The following OPCML variants were observed in gnomAD, a reference collection of about 807,000 sequenced individuals.
OPCML encodes opioid binding protein/cell adhesion molecule like.
A neutral mutation model predicts 37.8 loss-of-function variants in OPCML; 13 were observed. The observed-to-expected ratio is 0.34, with a 90% confidence interval of 0.22 to 0.55. The LOEUF is 0.55. OPCML is among the 20% of genes least tolerant of loss of function. The pLI is 0.91. For synonymous variants in OPCML, 176 were observed against 168.8 expected, an observed-to-expected ratio of 1.04 and a Z score of -0.33; for missense variants, 341 against 435.6, an observed-to-expected ratio of 0.78 and a Z score of 1.93.
At chr11:132,778,179 C>A (rs915829573) in intron 2 of OPCML, among the ~76,000 whole-genome samples, 4 of 152,200 alleles carry the variant, frequency 2.6e-5, no homozygotes, top group Non-Finnish European at 5.9e-5. Context: ...CTCTCCTTTT[C>A]CAATAAGCTC....
chr11:132,553,288 C>A (rs186669182), intron 3 of OPCML, among the ~76,000 whole-genome samples: 3 of 152,200 alleles, frequency 2.0e-5, no homozygotes, highest in East Asian at 3.9e-4. Context: ...TGGATCAGAA[C>A]TGAATGGTGG....
At chr11:133,003,487 C>T (rs571849707) in intron 1 of OPCML, among the ~76,000 whole-genome samples, 1 of 152,284 alleles carries the variant, frequency 6.6e-6, no homozygotes, top group Admixed American at 6.5e-5. Context: ...GTATTTAGGG[C>T]CCACTCAGAT....
chr11:133,126,029 CTA>C (rs1010553358), intron 1 of OPCML, among the ~76,000 whole-genome samples: 6 of 148,094 alleles, frequency 4.1e-5, no homozygotes, highest in East Asian at 2.0e-4. Flanking sequence ...TATATATACA[CTA>C]TATATATACT....
At chr11:132,656,542 T>A (rs1459371759) in intron 3 of OPCML, among the ~76,000 whole-genome samples, 1 of 152,148 alleles carries the variant, frequency 6.6e-6, no homozygotes, top group African/African-American at 2.4e-5. Context: ...CTGACTAATA[T>A]CCCTCTTGGA....
rs1399531995 is a variant in OPCML at position 132,483,449 on chromosome 11, C to T, written c.505+45612G>A. On this transcript the variant is annotated intron_variant, in intron 4 of 7. Transcript: ENST00000524381. ...AACAAATGGAAGAACATTCCATGCTCGTGGGTAGGAAGAATCAATATCATG... is the reference window on the plus strand; with the variant it reads ...AACAAATGGAAGAACATTCCATGCTTGTGGGTAGGAAGAATCAATATCATG... Among the ~76,000 whole-genome samples, 8 of 152,196 alleles carry T rather than the reference C, an allele frequency of 5.3e-5. No homozygotes were observed. In the East Asian group the frequency reaches 7.7e-4, roughly 15 times the overall value.
intron 1 of OPCML, among the ~76,000 whole-genome samples, chr11:133,260,498 G>C (rs1156746438): frequency 6.6e-6 from 1 of 152,066 alleles, no homozygotes; most frequent in Non-Finnish European, 1.5e-5. Flanking sequence ...TGAAGGTGGA[G>C]CTCTGGGATT....
rs780665015 is a variant in OPCML, at chr11:133,532,355, C to A, written c.-31G>T. Reference sequence around the variant, plus strand: ...CGCTGCGGTGCTCTCAGCTGCCGGGCTTGCTACTGCTTCTGCTGCTGCTAC... The same window carrying A: ...CGCTGCGGTGCTCTCAGCTGCCGGGATTGCTACTGCTTCTGCTGCTGCTAC... On this transcript the variant is annotated 5_prime_UTR_variant, in exon 1 of 8. Transcript: ENST00000524381. 74 of 1,607,994 alleles carry A rather than the reference C, an allele frequency of 4.6e-5. No individual in the cohort carries two copies. Among genetic ancestry groups the A allele is most frequent in the Non-Finnish European group, 5.9e-5 (70 of 1,177,296 alleles).
chr11:133,239,619 C>A (rs953327394), intron 1 of OPCML, among the ~76,000 whole-genome samples: 2 of 152,190 alleles, frequency 1.3e-5, no homozygotes, highest in Admixed American at 6.5e-5. Flanking sequence ...GTGAGAAAGA[C>A]CAAAAAGTAA....
intron 1 of OPCML, among the ~76,000 whole-genome samples, chr11:133,111,266 C>T (rs1297679006): frequency 6.6e-6 from 1 of 152,152 alleles, no homozygotes; most frequent in Non-Finnish European, 1.5e-5. Flanking sequence ...AAATCATTTA[C>T]CCACTGGCAC....
At position 133,514,616 on chromosome 11, in the gene OPCML, T is replaced by C. The variant is rs187612215; in HGVS notation, c.61+17648A>G. Among the ~76,000 whole-genome samples the C allele has an allele frequency of 2.0e-4, 31 of 152,330 alleles. No individual in the cohort carries two copies. The Middle Eastern group carries it at 0.01, about 50-fold the overall frequency. ...ATATTTAGGACAATTCTCACTTTTT[T>C]ATGGTAGGAGACTCCTTTCTTTTCA... On this transcript the variant is annotated intron_variant, in intron 1 of 7. Transcript: ENST00000524381.
At chr11:133,201,659 G>C (rs1453322377) in intron 1 of OPCML, among the ~76,000 whole-genome samples, 1 of 152,098 alleles carries the variant, frequency 6.6e-6, no homozygotes, top group African/African-American at 2.4e-5. Context: ...AAGGAGAGGA[G>C]AAAAAGATGG....
rs1945359983 is a variant in OPCML, at chr11:132,739,216, C to T, written c.147-81897G>A. ...TCTTTTCCTCTGTCTTGTCACTTCC[C>T]TATACATTTATTGTTCTTTGTTAAG... On this transcript the variant is annotated intron_variant, in intron 2 of 7. Transcript: ENST00000524381. Among the ~76,000 whole-genome samples the T allele has an allele frequency of 3.9e-5, 6 of 152,314 alleles. No homozygotes were observed. In the South Asian group the frequency reaches 1.2e-3, roughly 32 times the overall value.
chr11:133,140,522 T>TAAGAAGAAG (rs1296215663), intron 1 of OPCML, among the ~76,000 whole-genome samples: 82 of 59,446 alleles, frequency 1.4e-3, no homozygotes, highest in East Asian at 9.3e-3. Context: ...AAAATAATAA[T>TAAGAAGAAG]AATAATAATA....
At chr11:132,797,126 A>C (rs1044533529) in intron 2 of OPCML, among the ~76,000 whole-genome samples, 1 of 152,144 alleles carries the variant, frequency 6.6e-6, no homozygotes, top group African/African-American at 2.4e-5. Context: ...AATCCAACTT[A>C]CCTTTTTCTT....
chr11:133,351,507 G>T lies in OPCML; in HGVS notation c.61+180757C>A, dbSNP rs370561322. Among the ~76,000 whole-genome samples the T allele has an allele frequency of 2.0e-5, 3 of 147,984 alleles. No individual in the cohort carries two copies. In the East Asian group the frequency reaches 6.2e-4, roughly 30 times the overall value. On this transcript the variant is annotated intron_variant, in intron 1 of 7. Transcript: ENST00000524381. ...GCATTTACTTGCTTGTTAATTGTTA[G>T]GTCATTGCTACTTCTGGGTCACCTA...
At chr11:132,996,425 T>G (rs1025048910) in intron 1 of OPCML, among the ~76,000 whole-genome samples, 69 of 149,532 alleles carry the variant, frequency 4.6e-4, no homozygotes, top group African/African-American at 1.7e-3. Flanking sequence ...GAGACCAGCC[T>G]GACCAATATG....
chr11:132,563,090 T>C (rs2096414169), intron 3 of OPCML, among the ~76,000 whole-genome samples: 1 of 152,216 alleles, frequency 6.6e-6, no homozygotes, highest in Non-Finnish European at 1.5e-5. Context: ...TTGTTGGTCA[T>C]AGCTAATTTT....
rs553229645 is a variant in OPCML, at chr11:132,769,261, G to A, written c.147-111942C>T. Among the ~76,000 whole-genome samples the A allele has an allele frequency of 3.8e-3, 542 of 143,438 alleles. 5 individuals are homozygous for A. The highest frequency in any genetic ancestry group is 0.013 in the African/African-American group (520 of 38,840). 94.1% of individuals were successfully genotyped at this position (143,438 alleles called of 152,430 possible). A position where few individuals can be genotyped will look rare whatever the true frequency, so the allele number is the denominator to read the frequency against. ...GTTTGTTGTTTTTTTTTTTTGAGAC[G>A]GAGTCTCGCTCTGTTGCCCAGGCTG... On this transcript the variant is annotated intron_variant, in intron 2 of 7. Transcript: ENST00000524381.
chr11:132,562,022 T>C (rs1258940377), intron 3 of OPCML, among the ~76,000 whole-genome samples: 2 of 152,204 alleles, frequency 1.3e-5, no homozygotes, highest in Non-Finnish European at 2.9e-5. Context: ...AGATAATTCT[T>C]GAAGGAGTTT....
Sources: gnomAD v4.1 joint callset for allele counts (sites outside exome capture counted in the v4.1 genomes callset) on GRCh38, gnomAD v4.1.1 for gene constraint, MANE v1.5 for transcripts, NCBI Gene and HGNC (gene_info 2026-07-23, HGNC 2026-07-21) for gene names.